The following NSF variants were observed in gnomAD, a reference collection of about 807,000 sequenced individuals.
NSF encodes the protein vesicle-fusing ATPase.
Under a neutral mutation model 50.3 loss-of-function variants are expected in NSF, and 14 were observed. That is an observed-to-expected ratio of 0.28 (90% CI 0.18 to 0.44). NSF has a LOEUF of 0.44. Among genes scored for constraint, NSF ranks in the 20% least tolerant of loss-of-function variants. The probability of loss-of-function intolerance (pLI) is 1.00; values close to 1 mark genes in which losing one functional copy is unlikely to be tolerated. For missense variants in NSF, 218 were observed against 504.3 expected (o/e 0.43, Z 5.44); for synonymous variants, 109 against 175.7 (o/e 0.62, Z 3.00).
At chr17:46,735,945 CA>C (rs1383405275) in intron 17 of NSF, among the ~76,000 whole-genome samples, 2 of 151,748 alleles carry the variant, frequency 1.3e-5, no homozygotes, top group African/African-American at 4.8e-5. Context: ...GACTCTGTCT[CA>C]AAAAAAGAAT....
intron 17 of NSF, among the ~76,000 whole-genome samples, chr17:46,733,416 T>C (rs1398249226): frequency 6.6e-6 from 1 of 152,118 alleles, no homozygotes; most frequent in Non-Finnish European, 1.5e-5. Flanking sequence ...AATGACATGA[T>C]TCCCCAGTTT....
chr17:46,727,808 A>G (rs183357928), intron 16 of NSF, among the ~76,000 whole-genome samples: 1 of 152,316 alleles, frequency 6.6e-6, no homozygotes, highest in East Asian at 1.9e-4. Context: ...CCCTCTGAGT[A>G]CATTTCACTG....
chr17:46,610,081 T>TTTCC (rs2058000254), intron 1 of NSF, among the ~76,000 whole-genome samples: 4 of 104,582 alleles, frequency 3.8e-5, no homozygotes, highest in African/African-American at 1.5e-4. Context: ...TCTTTCCTTC[T>TTTCC]TTCTTTCTTT....
chr17:46,679,807 C>G (rs1487664436), intron 9 of NSF, among the ~76,000 whole-genome samples: 3 of 151,474 alleles, frequency 2.0e-5, no homozygotes, highest in African/African-American at 7.3e-5. Context: ...GGGAAAGAAA[C>G]AGTGGAAATT....
At chr17:46,706,744 TA>T (rs1218497288) in intron 13 of NSF, among the ~76,000 whole-genome samples, 2 of 138,294 alleles carry the variant, frequency 1.4e-5, no homozygotes, top group African/African-American at 2.7e-5. Context: ...TGTCCCGCTT[TA>T]AAAAAACATT....
At chr17:46,611,976 T>TTA in intron 1 of NSF, among the ~76,000 whole-genome samples, 2 of 101,558 alleles carry the variant, frequency 2.0e-5, no homozygotes, top group African/African-American at 4.5e-5. Flanking sequence ...TATATATATT[T>TTA]TATATATATG....
intron 1 of NSF, among the ~76,000 whole-genome samples, chr17:46,595,341 C>T (rs2057859791): frequency 1.5e-5 from 1 of 66,404 alleles, no homozygotes; most frequent in South Asian, 7.1e-4. Flanking sequence ...TGTTGCAATA[C>T]TTTTATTTGT....
At chr17:46,605,575 A>G in intron 1 of NSF, among the ~76,000 whole-genome samples, 1 of 98,990 alleles carries the variant, frequency 1.0e-5, no homozygotes. Flanking sequence ...ATATGCTTAG[A>G]GAAAATAATT....
At chr17:46,739,721 CTT>C (rs1286327361) in intron 17 of NSF, among the ~76,000 whole-genome samples, 1 of 146,408 alleles carries the variant, frequency 6.8e-6, no homozygotes, top group East Asian at 2.4e-4. Context: ...CCAAAAAGTT[CTT>C]TTTTTCTGAT....
intron 15 of NSF, among the ~76,000 whole-genome samples, chr17:46,717,190 A>C (rs1346890919): frequency 2.0e-5 from 3 of 152,200 alleles, no homozygotes; most frequent in Non-Finnish European, 4.4e-5. Flanking sequence ...TGTCATTTGC[A>C]ACAACATGGA....
chr17:46,737,400 AT>A (rs1396334965), intron 17 of NSF, among the ~76,000 whole-genome samples: 1 of 152,154 alleles, frequency 6.6e-6, no homozygotes, highest in Non-Finnish European at 1.5e-5. Context: ...CATATCCCAT[AT>A]TTTGGTCAGA....
chr17:46,755,076 C>T (rs1425710543), intron 19 of NSF, among the ~76,000 whole-genome samples: 3 of 152,250 alleles, frequency 2.0e-5, no homozygotes, highest in African/African-American at 4.8e-5. Flanking sequence ...TGATGGCCAG[C>T]GGGCTTGGGT....
At chr17:46,741,700 A>G (rs758018327) in intron 17 of NSF, among the ~76,000 whole-genome samples, 1 of 152,218 alleles carries the variant, frequency 6.6e-6, no homozygotes, top group Non-Finnish European at 1.5e-5. Flanking sequence ...TTTTAATGGT[A>G]GTCGATCTTT....
intron 15 of NSF, chr17:46,722,049 G>A: frequency 6.2e-7 from 1 of 1,609,730 alleles, no homozygotes; most frequent in African/African-American, 1.3e-5. Context: ...AGCTCCCTGA[G>A]CTGAGCCTTG....
intron 4 of NSF, among the ~76,000 whole-genome samples, chr17:46,633,847 A>G (rs1325714612): frequency 8.3e-6 from 1 of 120,296 alleles, no homozygotes; most frequent in East Asian, 3.9e-4. Flanking sequence ...TACTCAGCAT[A>G]TAACCTGTAC....
chr17:46,742,538 C>T (rs544452323), intron 17 of NSF, among the ~76,000 whole-genome samples: 108 of 152,198 alleles, frequency 7.1e-4, no homozygotes, highest in African/African-American at 2.5e-3. Context: ...ATGTAAAAGG[C>T]GATCCAAACT....
chr17:46,715,998 G>T (rs1568042483), intron 15 of NSF, among the ~76,000 whole-genome samples: 1 of 152,134 alleles, frequency 6.6e-6, no homozygotes, highest in East Asian at 1.9e-4. Context: ...TTTCCTTGGG[G>T]GAAAAATATT....
intron 9 of NSF, among the ~76,000 whole-genome samples, chr17:46,691,552 G>A (rs1381491126): frequency 2.3e-4 from 35 of 149,516 alleles, no homozygotes; most frequent in South Asian, 2.1e-4. Context: ...CTAAGATTGC[G>A]TCATTGCACT....
intron 9 of NSF, among the ~76,000 whole-genome samples, chr17:46,679,048 T>C (rs2058428283): frequency 6.6e-6 from 1 of 151,946 alleles, no homozygotes; most frequent in African/African-American, 2.4e-5. Context: ...TACTGTGTGA[T>C]TCCATTTATA....
Sources: allele counts gnomAD v4.1 joint callset (sites outside exome capture counted in the v4.1 genomes callset), GRCh38; gene constraint gnomAD v4.1.1; transcripts MANE v1.5; gene names NCBI Gene and HGNC (gene_info 2026-07-23, HGNC 2026-07-21).